The following PKIB variants were observed in gnomAD, a reference collection of about 807,000 sequenced individuals.
PKIB encodes the protein cAMP-dependent protein kinase inhibitor beta, also known as PKI-beta.
Under a neutral mutation model 4.5 loss-of-function variants are expected in PKIB, and 2 were observed. That is an observed-to-expected ratio of 0.44 (90% CI 0.18 to 1.39). The LOEUF is 1.39. Among genes scored for constraint, PKIB ranks in the 40% most tolerant of loss-of-function variants. The pLI, the probability that PKIB is intolerant of heterozygous loss-of-function variation, is 0.27. For synonymous variants in PKIB, 38 were observed against 36.0 expected (o/e 1.06, Z -0.20); for missense variants, 94 against 92.6 (o/e 1.02, Z -0.06).
intron 3 of PKIB, among the ~76,000 whole-genome samples, chr6:122,700,179 G>C (rs1366819978): frequency 3.9e-5 from 5 of 129,230 alleles, no homozygotes; most frequent in Non-Finnish European, 7.8e-5. Flanking sequence ...TGTTGTTGTT[G>C]TTGTTGTTGT....
intron 2 of PKIB, among the ~76,000 whole-genome samples, chr6:122,490,790 G>T (rs1222196420): frequency 6.6e-6 from 1 of 152,144 alleles, no homozygotes; most frequent in African/African-American, 2.4e-5. Flanking sequence ...TTTATAGCTA[G>T]CAAAAATTGC....
chr6:122,608,845 A>G (rs568402481), upstream of PKIB, among the ~76,000 whole-genome samples: 2 of 152,308 alleles, frequency 1.3e-5, no homozygotes, highest in Non-Finnish European at 2.9e-5. Flanking sequence ...CACTTGCAGG[A>G]TCATAAAAAT....
At chr6:122,523,560 C>T (rs1777009768) in intron 2 of PKIB, among the ~76,000 whole-genome samples, 1 of 151,904 alleles carries the variant, frequency 6.6e-6, no homozygotes, top group Non-Finnish European at 1.5e-5. Flanking sequence ...AGGCAGGTGG[C>T]TCACCTGAGG....
intron 2 of PKIB, among the ~76,000 whole-genome samples, chr6:122,533,481 C>T (rs947927706): frequency 2.0e-5 from 3 of 152,114 alleles, no homozygotes; most frequent in Non-Finnish European, 2.9e-5. Context: ...CCATCAATAC[C>T]AATTTCTGAT....
rs569822018 is a variant in PKIB, at chr6:122,584,103, CTATT to C, written c.-247-1815_-247-1812del. On this transcript the variant is annotated intron_variant, in intron 2 of 6. Coordinates refer to the PKIB transcript ENST00000392491. ...TAAGGATTGTGAGTGAGGCAAATGG[CTATT>C]TAAAGGTTGACAGTGTGAAAAAACT... 5.4e-4 allele frequency among the ~76,000 whole-genome samples: 82 copies of C among 152,116 alleles called. 1 individual carries two copies. The highest frequency in any genetic ancestry group is 2.0e-3 in the African/African-American group (81 of 41,538).
At chr6:122,559,999 T>G (rs1307504481) in intron 2 of PKIB, among the ~76,000 whole-genome samples, 1 of 152,204 alleles carries the variant, frequency 6.6e-6, no homozygotes, top group Admixed American at 6.5e-5. Flanking sequence ...AGTGACAGTT[T>G]GACTTTCTCA....
At chr6:122,631,918 T>G (rs1388046343) in intron 1 of PKIB, among the ~76,000 whole-genome samples, 2 of 152,176 alleles carry the variant, frequency 1.3e-5, no homozygotes, top group African/African-American at 2.4e-5. Context: ...TATTTGAGAA[T>G]CATAGTGAAA....
intron 2 of PKIB, among the ~76,000 whole-genome samples, chr6:122,486,361 AATT>A (rs1220285723): frequency 2.6e-5 from 4 of 152,070 alleles, no homozygotes; most frequent in Admixed American, 1.3e-4. Context: ...AATATTATGC[AATT>A]ATTTGTTCTC....
intron 1 of PKIB, among the ~76,000 whole-genome samples, chr6:122,618,852 G>A (rs1775098182): frequency 6.6e-6 from 1 of 152,056 alleles, no homozygotes; most frequent in Non-Finnish European, 1.5e-5. Context: ...TGCTGCATCA[G>A]AGGATGTTAA....
chr6:122,719,696 G>T (rs6569274), intron 4 of PKIB, among the ~76,000 whole-genome samples: 63,580 of 150,500 alleles, frequency 0.42, 14,969 homozygotes, highest in South Asian at 0.65. Flanking sequence ...TGAGTAGATT[G>T]TGAGTGTTCC....
At chr6:122,542,730 A>C (rs1400818841) in intron 2 of PKIB, among the ~76,000 whole-genome samples, 1 of 151,732 alleles carries the variant, frequency 6.6e-6, no homozygotes, top group African/African-American at 2.4e-5. Flanking sequence ...GAGAACCACT[A>C]CTCTCTTCAA....
chr6:122,577,653 T>C (rs1773584492), intron 2 of PKIB, among the ~76,000 whole-genome samples: 1 of 152,160 alleles, frequency 6.6e-6, no homozygotes, highest in African/African-American at 2.4e-5. Flanking sequence ...CTCATGCCTG[T>C]AATCCTAGCA....
chr6:122,670,713 A>G (rs940686245), intron 2 of PKIB, among the ~76,000 whole-genome samples: 2 of 152,148 alleles, frequency 1.3e-5, no homozygotes, highest in African/African-American at 4.8e-5. Flanking sequence ...TCATTCTCCT[A>G]AGCTAGTTCA....
chr6:122,553,512 G>A (rs1582694864), intron 2 of PKIB, among the ~76,000 whole-genome samples: 2 of 34,518 alleles, frequency 5.8e-5, no homozygotes, highest in African/African-American at 2.5e-4. Flanking sequence ...TTCTGAAAAA[G>A]GCTTCCCTGA....
At chr6:122,677,841 T>TCC (rs1777736212) in intron 3 of PKIB, among the ~76,000 whole-genome samples, 3 of 131,034 alleles carry the variant, frequency 2.3e-5, no homozygotes, top group African/African-American at 5.6e-5. Context: ...CAGCTTTCTT[T>TCC]TCTTCCTTCC....
At chr6:122,692,493 C>G (rs1250736358) in intron 3 of PKIB, among the ~76,000 whole-genome samples, 1 of 152,204 alleles carries the variant, frequency 6.6e-6, no homozygotes, top group East Asian at 1.9e-4. Flanking sequence ...GGGAGTACTT[C>G]CAGGCCATTG....
At chr6:122,546,911 G>A (rs912942480) in intron 2 of PKIB, among the ~76,000 whole-genome samples, 3 of 152,030 alleles carry the variant, frequency 2.0e-5, no homozygotes, top group Non-Finnish European at 4.4e-5. Flanking sequence ...CACACATAAC[G>A]TAATATATAG....
At chr6:122,600,634 C>T (rs1774333104) in intron 3 of PKIB, among the ~76,000 whole-genome samples, 1 of 152,120 alleles carries the variant, frequency 6.6e-6, no homozygotes, top group Middle Eastern at 3.2e-3. Context: ...TACTACCTCA[C>T]AAAACTTAAT....
chr6:122,538,035 T>C (rs1221180760), intron 2 of PKIB, among the ~76,000 whole-genome samples: 1 of 152,106 alleles, frequency 6.6e-6, no homozygotes, highest in Non-Finnish European at 1.5e-5. Context: ...GTTTGTTTTT[T>C]TCTTGTAAAT....
Sources: allele counts gnomAD v4.1 joint callset (sites outside exome capture counted in the v4.1 genomes callset), GRCh38; gene constraint gnomAD v4.1.1; transcripts MANE v1.5; gene names NCBI Gene and HGNC (gene_info 2026-07-23, HGNC 2026-07-21).